The following DPP6 variants were observed in gnomAD, a reference collection of about 807,000 sequenced individuals.
DPP6 encodes dipeptidyl peptidase like 6.
A neutral mutation model predicts 122.6 loss-of-function variants in DPP6; 69 were observed. The ratio of observed to expected loss-of-function variants is 0.56; its 90% CI spans 0.46 to 0.69. The LOEUF (loss-of-function observed/expected upper bound fraction) is 0.69, where lower values mean the gene tolerates loss of function less well. Ranked by LOEUF, DPP6 falls within the 30% of genes least tolerant of loss-of-function variation. The probability of loss-of-function intolerance (pLI) is 0.00; values close to 1 mark genes in which losing one functional copy is unlikely to be tolerated. For synonymous variants in DPP6, 418 were observed against 433.1 expected, an observed-to-expected ratio of 0.97 and a Z score of 0.43; for missense variants, 928 against 1,116.9, an observed-to-expected ratio of 0.83 and a Z score of 2.41.
rs182478612 is a variant in DPP6, at chr7:154,752,880, G to A, written c.884-16537G>A. Among the ~76,000 whole-genome samples, 607 of 152,282 alleles carry A rather than the reference G, an allele frequency of 4.0e-3. 3 individuals carry two copies. The highest frequency in any genetic ancestry group is 5.7e-3 in the Non-Finnish European group (385 of 68,022). On this transcript the variant is annotated intron_variant, in intron 8 of 25. Coordinates refer to ENST00000377770, the MANE Select transcript of DPP6 (RefSeq NM_130797.4). ...AGACCAAGGGAAAGACATGGTGGAC[G>A]GGTGTGGCTCTAGTGAACGGGATTT...
At chr7:154,203,644 G>A (rs1055444055) in intron 1 of DPP6, among the ~76,000 whole-genome samples, 1 of 152,200 alleles carries the variant, frequency 6.6e-6, no homozygotes, top group African/African-American at 2.4e-5. Context: ...GCATGTAAGG[G>A]CAGGAGAGCA....
At chr7:154,434,185 G>A (rs1458684733) in intron 1 of DPP6, among the ~76,000 whole-genome samples, 7 of 152,184 alleles carry the variant, frequency 4.6e-5, no homozygotes, top group Non-Finnish European at 7.3e-5. Context: ...TTCCTGGTAT[G>A]TGCGACTTCA....
rs186864598 is a variant in DPP6, at chr7:154,198,129, C to T, written c.243+145066C>T. 1.3e-3 allele frequency among the ~76,000 whole-genome samples: 205 copies of T among 152,160 alleles called. 1 individual carries two copies. The highest frequency in any genetic ancestry group is 4.5e-3 in the African/African-American group (187 of 41,520). On this transcript the variant is annotated intron_variant, in intron 1 of 25. Transcript: ENST00000377770. ...CATCCTGGAGCACGGGGCCCTGTGT[C>T]ATATGGATCCTGCTTGATGTGTAGA...
chr7:154,751,496 A>T (rs1057071778), intron 8 of DPP6, among the ~76,000 whole-genome samples: 3 of 150,654 alleles, frequency 2.0e-5, no homozygotes, highest in Admixed American at 1.3e-4. Context: ...TGTTGTCCCC[A>T]CTACTCTAGA....
chr7:154,675,627 C>A (rs770077988), intron 7 of DPP6, among the ~76,000 whole-genome samples: 1 of 152,184 alleles, frequency 6.6e-6, no homozygotes, highest in Non-Finnish European at 1.5e-5. Context: ...TTGAATACTT[C>A]CTGTGTTCTG....
At chr7:153,879,937 CATA>C in the DPP6 span, among the ~76,000 whole-genome samples, 5 of 152,154 alleles carry the variant, frequency 3.3e-5, no homozygotes, top group African/African-American at 1.2e-4. Flanking sequence ...TTGGTAGACA[CATA>C]ATAATTAAAT....
At chr7:154,037,885 C>A (rs1585212559) in intron 1 of DPP6, among the ~76,000 whole-genome samples, 1 of 131,214 alleles carries the variant, frequency 7.6e-6, no homozygotes, top group African/African-American at 3.1e-5. Context: ...GCACTGAGTA[C>A]CTTTCCTTAA....
At chr7:154,885,390 C>G (rs905065311) in intron 21 of DPP6, 15 of 501,088 alleles carry the variant, frequency 3.0e-5, no homozygotes, top group African/African-American at 2.9e-4. Context: ...ATTTCATCCT[C>G]ACGTCCCTTG....
At chr7:153,828,744 C>T in the DPP6 span, among the ~76,000 whole-genome samples, 1 of 152,108 alleles carries the variant, frequency 6.6e-6, no homozygotes, top group Non-Finnish European at 1.5e-5. Flanking sequence ...TTTATTTCTG[C>T]CTTTCTATAC....
chr7:153,937,613 A>G (rs77002149), intron 1 of DPP6, among the ~76,000 whole-genome samples: 16,146 of 151,698 alleles, frequency 0.11, 907 homozygotes, highest in Admixed American at 0.14. Context: ...ATGCCTAACT[A>G]ATTTTTGTAT....
chr7:154,008,167 A>G (rs1019224155), intron 1 of DPP6, among the ~76,000 whole-genome samples: 3 of 152,126 alleles, frequency 2.0e-5, no homozygotes, highest in Non-Finnish European at 4.4e-5. Context: ...GTATCTCCCT[A>G]TTGTTTAAGG....
At chr7:154,873,777 C>G (rs1584949590) in intron 19 of DPP6, among the ~76,000 whole-genome samples, 1 of 151,736 alleles carries the variant, frequency 6.6e-6, no homozygotes, top group South Asian at 2.1e-4. Context: ...CACATGCACA[C>G]ACACCCACAT....
At chr7:154,484,025 A>G (rs1823572451) in intron 3 of DPP6, among the ~76,000 whole-genome samples, 1 of 152,168 alleles carries the variant, frequency 6.6e-6, no homozygotes, top group African/African-American at 2.4e-5. Flanking sequence ...TGCAATTCAC[A>G]CAAGGTCAAG....
intron 21 of DPP6, among the ~76,000 whole-genome samples, chr7:154,883,023 T>G (rs990846227): frequency 2.0e-5 from 3 of 150,690 alleles, no homozygotes; most frequent in African/African-American, 7.4e-5. Flanking sequence ...ACATGGATGC[T>G]CACCCATACA....
chr7:153,809,214 C>T, the DPP6 span, among the ~76,000 whole-genome samples: 1 of 152,110 alleles, frequency 6.6e-6, no homozygotes, highest in East Asian at 1.9e-4. Flanking sequence ...AATGTCTATT[C>T]AGGCCCTTTG....
At chr7:154,538,695 CTT>C (rs1828465368) in intron 3 of DPP6, among the ~76,000 whole-genome samples, 1 of 151,714 alleles carries the variant, frequency 6.6e-6, no homozygotes, top group Non-Finnish European at 1.5e-5. Flanking sequence ...AACTAACAAA[CTT>C]AAGTGCTTTC....
chr7:154,892,678 T>C lies in DPP6; in HGVS notation c.*198T>C. On this transcript the variant is annotated 3_prime_UTR_variant, in exon 26 of 26. Coordinates refer to ENST00000377770, the MANE Select transcript of DPP6 (RefSeq NM_130797.4). ...CCGGGGTCATCACTCACGGCCTCCA[T>C]GGCACCAGGGACAACGCTGTCCCCG... is the stretch of plus-strand genomic sequence containing the variant. 1 of 1,151,248 alleles carries C rather than the reference T, an allele frequency of 8.7e-7. No individual in the cohort carries two copies. Among genetic ancestry groups the C allele is most frequent in the Admixed American group, 1.8e-5 (1 of 56,100 alleles). 71.3% of individuals were successfully genotyped at this position (1,151,248 alleles called of 1,614,324 possible). A position where few individuals can be genotyped will look rare whatever the true frequency, so the allele number is the denominator to read the frequency against.
chr7:154,016,962 A>C (rs1001661065), intron 1 of DPP6, among the ~76,000 whole-genome samples: 1 of 152,250 alleles, frequency 6.6e-6, no homozygotes, highest in African/African-American at 2.4e-5. Flanking sequence ...AGCCAAGAGC[A>C]TCAGAGGAGA....
chr7:154,765,405 T>C (rs983156751), intron 8 of DPP6, among the ~76,000 whole-genome samples: 4 of 152,122 alleles, frequency 2.6e-5, no homozygotes, highest in Admixed American at 1.3e-4. Context: ...ACTAGGCAAA[T>C]AGGAAATAAT....
Sources: gnomAD v4.1 joint callset for allele counts (sites outside exome capture counted in the v4.1 genomes callset) on GRCh38, gnomAD v4.1.1 for gene constraint, MANE v1.5 for transcripts, NCBI Gene and HGNC (gene_info 2026-07-23, HGNC 2026-07-21) for gene names.